TNRC6A: variants seen among roughly 807,000 people sequenced by gnomAD.
The protein encoded by TNRC6A is trinucleotide repeat containing adaptor 6A, also known as trinucleotide repeat-containing gene 6A protein.
TNRC6A carries 44 observed loss-of-function variants against 221.2 expected under a neutral mutation model. That is an observed-to-expected ratio of 0.20 (90% CI 0.16 to 0.26). The LOEUF (loss-of-function observed/expected upper bound fraction) is 0.26. Ranked by LOEUF, TNRC6A falls within the 10% of genes least tolerant of loss-of-function variation. TNRC6A has a pLI of 1.00. For synonymous variants in TNRC6A, 847 were observed against 838.5 expected (o/e 1.01, Z -0.18); for missense variants, 2,199 against 2,404.4 (o/e 0.91, Z 1.79).
intron 2 of TNRC6A, chr16:24,670,959 G>A (rs1260549585): frequency 2.5e-6 from 1 of 401,968 alleles, no homozygotes; most frequent in Non-Finnish European, 5.1e-6. Flanking sequence ...GCACCCCCAG[G>A]CCATCGTAAT....
At chr16:24,725,015 G>A (rs1364478828), upstream of TNRC6A, among the ~76,000 whole-genome samples, 1 of 152,038 alleles carries the variant, frequency 6.6e-6, no homozygotes, top group African/African-American at 2.4e-5. Flanking sequence ...TCTTTGTCCT[G>A]ATAACTTCAA....
chr16:24,776,341 T>A, intron 4 of TNRC6A: 2 of 985,008 alleles, frequency 2.0e-6, no homozygotes, highest in Non-Finnish European at 2.4e-6. Flanking sequence ...ACGTTATCTT[T>A]GTCTTTAGTT....
At chr16:24,819,450 TTC>T (rs906199854) in intron 21 of TNRC6A, among the ~76,000 whole-genome samples, 1 of 152,068 alleles carries the variant, frequency 6.6e-6, no homozygotes, top group Non-Finnish European at 1.5e-5. Context: ...CTTTCCTTCT[TTC>T]TCTCTCTGTC....
intron 2 of TNRC6A, among the ~76,000 whole-genome samples, chr16:24,734,167 C>G (rs566746902): frequency 4.0e-5 from 6 of 151,878 alleles, no homozygotes; most frequent in African/African-American, 1.5e-4. Flanking sequence ...AGAGTGCAAC[C>G]CTGTCTCAAA....
At chr16:24,779,773 T>G (rs755764496) in intron 5 of TNRC6A, among the ~76,000 whole-genome samples, 1 of 152,204 alleles carries the variant, frequency 6.6e-6, no homozygotes, top group African/African-American at 2.4e-5. Context: ...CTACATGTAG[T>G]TCAGAATTGG....
At chr16:24,712,921 G>GTA (rs10654373) in intron 2 of TNRC6A, among the ~76,000 whole-genome samples, 10,774 of 143,788 alleles carry the variant, frequency 0.075, 745 homozygotes, top group East Asian at 0.24. Flanking sequence ...GTGTGTGTGT[G>GTA]TGTGTGTGTG....
At chr16:24,771,568 TATG>T (rs2057600078) in intron 4 of TNRC6A, among the ~76,000 whole-genome samples, 11 of 93,066 alleles carry the variant, frequency 1.2e-4, no homozygotes, top group South Asian at 1.0e-3. Context: ...TGTTTTATGT[TATG>T]TTATGTTATG....
At position 24,812,019 on chromosome 16, in the gene TNRC6A, A is replaced by ATTTTTTTTTTTTTTTTTTTTTTTTTTTTT. The variant is rs71156440; in HGVS notation, c.4672+2557_4672+2585dup. Among the ~76,000 whole-genome samples the ATTTTTTTTTTTTTTTTTTTTTTTTTTTTT allele has an allele frequency of 7.3e-5, 3 of 40,854 alleles. 1 individual carries two copies. The highest frequency in any genetic ancestry group is 8.5e-5 in the Non-Finnish European group (2 of 23,660). 26.8% of individuals were successfully genotyped at this position (40,854 alleles called of 152,430 possible). A position where few individuals can be genotyped will look rare whatever the true frequency, so the allele number is the denominator to read the frequency against. On this transcript the variant is annotated intron_variant, in intron 18 of 24. Transcript: ENST00000395799. ...CCGTTCAGGGGAATGTCACTTTGGG[A>ATTTTTTTTTTTTTTTTTTTTTTTTTTTTT]TTTTTTTTTTTTTTTTTTTTTTTTT... is the stretch of plus-strand genomic sequence containing the variant.
chr16:24,626,275 A>G (rs1384723676), intron 1 of TNRC6A, among the ~76,000 whole-genome samples: 3 of 152,084 alleles, frequency 2.0e-5, no homozygotes, highest in Middle Eastern at 3.4e-3. Flanking sequence ...CTTGGTTTTT[A>G]TTTGTTTTTA....
chr16:24,700,919 T>C (rs1014896714), intron 2 of TNRC6A, among the ~76,000 whole-genome samples: 1 of 152,204 alleles, frequency 6.6e-6, no homozygotes, highest in Non-Finnish European at 1.5e-5. Context: ...GACATGTTTC[T>C]CTCGCTCTTT....
intron 2 of TNRC6A, among the ~76,000 whole-genome samples, chr16:24,711,940 G>A (rs1031663207): frequency 2.7e-5 from 4 of 150,298 alleles, no homozygotes; most frequent in Admixed American, 2.0e-4. Context: ...GGATTACAGG[G>A]ATGAGCTGCT....
intron 5 of TNRC6A, among the ~76,000 whole-genome samples, chr16:24,779,851 T>C (rs1404865943): frequency 6.6e-6 from 1 of 152,186 alleles, no homozygotes; most frequent in Non-Finnish European, 1.5e-5. Context: ...ATTTGGCTTT[T>C]TTACATTCTC....
At position 24,791,606 on chromosome 16, in the gene TNRC6A, G is replaced by A. The variant is rs1486952313; in HGVS notation, c.2964G>A (p.Glu988=). The A allele has an allele frequency of 6.2e-7, 1 of 1,604,284 alleles. No individual in the cohort carries two copies. The highest frequency in any genetic ancestry group is 1.7e-5 in the Admixed American group (1 of 58,494). The change falls in exon 6 of 25, where the codon GAG becomes GAA. Residue 988 remains glutamate (E), a synonymous_variant. Coordinates refer to ENST00000395799, the MANE Select transcript of TNRC6A (RefSeq NM_014494.4). ...AAGAAGAAGAACCCACAGGCTGGGAGGAACCATCCCCAGAATCTATACGTC... is the reference window on the plus strand; with the variant it reads ...AAGAAGAAGAACCCACAGGCTGGGAAGAACCATCCCCAGAATCTATACGTC... ...PAKEEEPTGW[E]EPSPESIRRK... is the part of the protein sequence containing the mutation.
At position 24,823,680 on chromosome 16, in the gene TNRC6A, C is replaced by G; in HGVS notation, c.5762C>G (p.Thr1921Ser). 1 of 1,609,818 alleles carries G rather than the reference C, an allele frequency of 6.2e-7. No homozygotes were observed. The highest frequency in any genetic ancestry group is 1.1e-5 in the South Asian group (1 of 90,528). The change falls in exon 25 of 25, where the codon ACC becomes AGC. Residue 1921 changes from threonine (T) to serine (S), a missense_variant. This residue lies in a region of TNRC6A where 130 missense variants were observed against 121.7 expected (regional missense o/e 1.07). Coordinates refer to ENST00000395799, the MANE Select transcript of TNRC6A (RefSeq NM_014494.4). This position sits in a 1 kb window ranked among gnomAD's most constrained non-coding sequence, Gnocchi z 4.3. ...CTTCACGGCACTTCACTCTGGGGGA[C>G]CCCGCATTATTCCACAAGCCTGTGG... ...GDLHGTSLWG[T>S]PHYSTSLWGP...
At chr16:24,773,002 T>C (rs927987071) in intron 4 of TNRC6A, among the ~76,000 whole-genome samples, 1 of 152,216 alleles carries the variant, frequency 6.6e-6, no homozygotes, top group Non-Finnish European at 1.5e-5. Context: ...TGCCGAAGGT[T>C]ATTTTTTTCC....
chr16:24,744,282 C>G (rs1206418095), intron 2 of TNRC6A, among the ~76,000 whole-genome samples: 1 of 152,110 alleles, frequency 6.6e-6, no homozygotes, highest in Non-Finnish European at 1.5e-5. Context: ...GAGGTGGTCT[C>G]TGTCGGGTTT....
At position 24,625,561 on chromosome 16, in the gene TNRC6A, TA is replaced by T. The variant is rs1199970630; in HGVS notation, n.276+15083del. On this transcript the variant is annotated intron_variant and non_coding_transcript_variant, in intron 1 of 2. Coordinates refer to the TNRC6A transcript ENST00000566108. ...TAACAAGGTGAAACCCCGTCTCTAC[TA>T]AAAAATACAAAAAATTAGCCGGGCG... Among the ~76,000 whole-genome samples the T allele has an allele frequency of 2.0e-5, 3 of 151,894 alleles. No individual in the cohort carries two copies. In the East Asian group the frequency reaches 5.8e-4, roughly 29 times the overall value.
intron 8 of TNRC6A, 149 bp from the exon 9 acceptor site, chr16:24,795,758 A>T: frequency 1.6e-6 from 1 of 618,070 alleles, no homozygotes; most frequent in Non-Finnish European, 2.8e-6. Context: ...GACACTGATG[A>T]ATTTGAGACT....
chr16:24,742,377 G>A (rs2056910210), intron 2 of TNRC6A, among the ~76,000 whole-genome samples: 1 of 152,204 alleles, frequency 6.6e-6, no homozygotes, highest in Non-Finnish European at 1.5e-5. Context: ...TGCTGCCTAG[G>A]AAATGCTTGT....
Sources: allele counts gnomAD v4.1 joint callset (sites outside exome capture counted in the v4.1 genomes callset), GRCh38; gene constraint gnomAD v4.1.1; regional missense constraint gnomAD v4.1.1; non-coding constraint Gnocchi (gnomAD v3.1); transcripts MANE v1.5; gene names NCBI Gene and HGNC (gene_info 2026-07-23, HGNC 2026-07-21).